Variants in RYR2 observed in about 807,000 individuals in gnomAD.
RYR2 encodes the protein cardiac muscle ryanodine receptor-calcium release channel.
In RYR2, 227 loss-of-function variants were observed where a neutral mutation model predicts 601.1. The ratio of observed to expected loss-of-function variants is 0.38; its 90% CI spans 0.34 to 0.42. The LOEUF is 0.42. RYR2 is among the 10% of genes least tolerant of loss of function. RYR2 has a pLI of 1.00. For synonymous variants in RYR2, 2,223 were observed against 2,175.1 expected (o/e 1.02, Z -0.61); for missense variants, 4,646 against 6,156.5 (o/e 0.75, Z 8.21).
chr1:237,236,187 A>G (rs1025269903), intron 1 of RYR2, among the ~76,000 whole-genome samples: 3 of 152,204 alleles, frequency 2.0e-5, no homozygotes, highest in Non-Finnish European at 4.4e-5. Flanking sequence ...TAGGAAAGGA[A>G]AGGGTGCACC....
At chr1:237,727,264 T>C in intron 76 of RYR2, 65 bp downstream of exon 76, 1 of 736,756 alleles carries the variant, frequency 1.4e-6, no homozygotes, top group East Asian at 2.6e-5. Context: ...GACAGGTGTT[T>C]AGAATCTACC....
chr1:237,508,643 TCTCA>T (rs1665517932), intron 23 of RYR2, among the ~76,000 whole-genome samples: 1 of 151,682 alleles, frequency 6.6e-6, no homozygotes, highest in Non-Finnish European at 1.5e-5. Flanking sequence ...AAATATAAAG[TCTCA>T]CTATTATTGA....
chr1:237,511,449 A>C (rs1572661017), intron 23 of RYR2, among the ~76,000 whole-genome samples: 1 of 152,074 alleles, frequency 6.6e-6, no homozygotes, highest in Admixed American at 6.6e-5. Flanking sequence ...AGAAGTCTGC[A>C]TGGCGGGGGT....
intron 92 of RYR2, 94 bp from the exon 93 acceptor site, chr1:237,791,335 G>T: frequency 1.4e-6 from 1 of 725,826 alleles, no homozygotes; most frequent in South Asian, 1.6e-5. Context: ...GCGATCAATT[G>T]TTTGGGGTAA....
intron 6 of RYR2, 118 bp from the exon 7 acceptor site, chr1:237,374,599 A>T: frequency 1.3e-6 from 1 of 774,854 alleles, no homozygotes; most frequent in South Asian, 1.5e-5. Flanking sequence ...TTGAGGCTGC[A>T]GTGAGCTGTG....
At chr1:237,687,412 C>A in intron 62 of RYR2, 43 bp from the exon 63 acceptor site, 1 of 836,920 alleles carries the variant, frequency 1.2e-6, no homozygotes, top group Non-Finnish European at 1.8e-6. Flanking sequence ...TCTACCTTCC[C>A]TTCCCCCTTC....
intron 2 of RYR2, among the ~76,000 whole-genome samples, chr1:237,278,022 C>G (rs1690462696): frequency 6.6e-6 from 1 of 151,826 alleles, no homozygotes; most frequent in African/African-American, 2.4e-5. Flanking sequence ...TTTTGAGGAT[C>G]ATAGATTTGA....
chr1:237,428,809 A>G (rs762930816), intron 12 of RYR2, among the ~76,000 whole-genome samples: 1 of 152,136 alleles, frequency 6.6e-6, no homozygotes, highest in Non-Finnish European at 1.5e-5. Flanking sequence ...AATTTACATA[A>G]CAAATAAATA....
At chr1:237,212,933 G>A (rs1682754981) in intron 1 of RYR2, among the ~76,000 whole-genome samples, 1 of 151,762 alleles carries the variant, frequency 6.6e-6, no homozygotes, top group African/African-American at 2.4e-5. Flanking sequence ...CACCACGCCT[G>A]GCTAATTTTT....
intron 1 of RYR2, among the ~76,000 whole-genome samples, chr1:237,250,947 G>A (rs184676259): frequency 6.6e-6 from 1 of 151,878 alleles, no homozygotes; most frequent in African/African-American, 2.4e-5. Context: ...GATCTTCCCT[G>A]TATAGCCCAT....
intron 98 of RYR2, among the ~76,000 whole-genome samples, chr1:237,805,574 C>CTTTTTTTTTTTTTTTTT (rs1553334508): frequency 1.0e-5 from 1 of 100,450 alleles, no homozygotes; most frequent in Admixed American, 1.3e-4. Context: ...GAGCTAGACT[C>CTTTTTTTTTTTTTTTTT]TGTCTCAAAA....
intron 38 of RYR2, among the ~76,000 whole-genome samples, chr1:237,623,392 T>TC (rs1243700693): frequency 1.2e-4 from 17 of 136,644 alleles, no homozygotes; most frequent in African/African-American, 3.0e-4. Flanking sequence ...TCTTTTTTTT[T>TC]TTTTTTTTTT....
chr1:237,586,580 A>T (rs1674551162), intron 29 of RYR2, among the ~76,000 whole-genome samples: 1 of 152,202 alleles, frequency 6.6e-6, no homozygotes, highest in South Asian at 2.1e-4. Flanking sequence ...TAATCACTTC[A>T]TAGTAATATC....
At chr1:237,814,984 T>TTG (rs1661658133) in intron 100 of RYR2, among the ~76,000 whole-genome samples, 1 of 112,420 alleles carries the variant, frequency 8.9e-6, no homozygotes, top group Non-Finnish European at 1.9e-5. Flanking sequence ...TTTTTTTTTT[T>TTG]GCCAAGATGA....
rs1664849037 is a variant in RYR2, at chr1:237,503,214, C to T, written c.2397-75C>T. On this transcript the variant is annotated intron_variant, in intron 21 of 104. Coordinates refer to ENST00000366574, the MANE Select transcript of RYR2 (RefSeq NM_001035.3). ...AAATACTTTTGTACTAACAATTTTT[C>T]CCTAAGATTTTGTGAATTAGAAAAC... 2.2e-6 allele frequency: 3 copies of T among 1,345,086 alleles called. No individual in the cohort carries two copies. The Admixed American group carries it at 6.3e-5, about 28-fold the overall frequency. 83.3% of individuals were successfully genotyped at this position (1,345,086 alleles called of 1,614,324 possible).
chr1:237,603,699 C>T (rs1402389804), intron 35 of RYR2, among the ~76,000 whole-genome samples: 1 of 152,126 alleles, frequency 6.6e-6, no homozygotes, highest in Non-Finnish European at 1.5e-5. Context: ...TGCAGAGACA[C>T]ACATATGCTC....
intron 25 of RYR2, among the ~76,000 whole-genome samples, chr1:237,538,187 C>A (rs1373669045): frequency 6.6e-6 from 1 of 150,712 alleles, no homozygotes; most frequent in African/African-American, 2.4e-5. Context: ...GTCAGGAGTT[C>A]GAGACCAGCC....
intron 10 of RYR2, among the ~76,000 whole-genome samples, chr1:237,396,087 G>T (rs1175577802): frequency 6.6e-6 from 1 of 152,182 alleles, no homozygotes; most frequent in African/African-American, 2.4e-5. Context: ...ATGTAAGTTT[G>T]GTTAAGGATG....
At position 237,295,885 on chromosome 1, in the gene RYR2, G is replaced by A. The variant is rs2058936; in HGVS notation, c.168+25269G>A. On this transcript the variant is annotated intron_variant, in intron 2 of 104. Coordinates refer to ENST00000366574, the MANE Select transcript of RYR2 (RefSeq NM_001035.3). ...AAGTCATGGGGACAGAGCAGAGATCGAGACAGAGTGCACCATCTCATGGAT... is the reference window on the plus strand; with the variant it reads ...AAGTCATGGGGACAGAGCAGAGATCAAGACAGAGTGCACCATCTCATGGAT... Among the ~76,000 whole-genome samples the A allele has an allele frequency of 5.2e-3, 737 of 140,716 alleles. 6 individuals are homozygous for A. The highest frequency in any genetic ancestry group is 0.017 in the African/African-American group (709 of 41,266). The allele number at this position is 140,716 out of a possible 152,430, so 92.3% of individuals were successfully genotyped here. A position where few individuals can be genotyped will look rare whatever the true frequency, so the allele number is the denominator to read the frequency against.
Sources: gnomAD v4.1 joint callset for allele counts (sites outside exome capture counted in the v4.1 genomes callset) on GRCh38, gnomAD v4.1.1 for gene constraint, MANE v1.5 for transcripts, NCBI Gene and HGNC (gene_info 2026-07-23, HGNC 2026-07-21) for gene names.